The following CBLB variants were observed in gnomAD, a reference collection of about 807,000 sequenced individuals.
CBLB encodes E3 ubiquitin-protein ligase CBL-B.
Under a neutral mutation model 104.9 loss-of-function variants are expected in CBLB, and 31 were observed. That is an observed-to-expected ratio of 0.30 (90% CI 0.22 to 0.40). CBLB has a LOEUF of 0.40. Among genes scored for constraint, CBLB ranks in the 10% least tolerant of loss-of-function variants. The pLI is 1.00. For synonymous variants in CBLB, 440 were observed against 422.6 expected (o/e 1.04, Z -0.51); for missense variants, 1,062 against 1,214.6 (o/e 0.87, Z 1.87).
intron 3 of CBLB, among the ~76,000 whole-genome samples, chr3:105,792,384 A>G (rs2081767674): frequency 6.6e-6 from 1 of 152,128 alleles, no homozygotes; most frequent in South Asian, 2.1e-4. Context: ...ACTGGACTGG[A>G]GCATCATTGT....
chr3:105,847,498 ATTAATG>A (rs1393745149), intron 3 of CBLB, among the ~76,000 whole-genome samples: 1 of 151,916 alleles, frequency 6.6e-6, no homozygotes, highest in East Asian at 1.9e-4. Flanking sequence ...CTGAAATGAC[ATTAATG>A]TTAATGTTAA....
At chr3:105,671,909 G>C in intron 17 of CBLB, 1 of 193,006 alleles carries the variant, frequency 5.2e-6, no homozygotes, top group Non-Finnish European at 1.1e-5. Flanking sequence ...AGGAAGGAAT[G>C]AGAAGATAAA....
intron 3 of CBLB, among the ~76,000 whole-genome samples, chr3:105,799,174 G>GAATAAAAAAAAAA (rs1471114207): frequency 2.8e-5 from 1 of 35,128 alleles, no homozygotes; most frequent in African/African-American, 1.3e-4. Context: ...TAATGACAAA[G>GAATAAAAAAAAAA]AACAAAAAAA....
intron 3 of CBLB, among the ~76,000 whole-genome samples, chr3:105,827,134 C>T (rs76455647): frequency 0.021 from 3,197 of 152,126 alleles, 58 homozygotes; most frequent in Non-Finnish European, 0.031. Context: ...TAGTTTACAA[C>T]GATTCTGGCA....
At chr3:105,705,407 G>T (rs1046298316) in intron 10 of CBLB, among the ~76,000 whole-genome samples, 1 of 152,072 alleles carries the variant, frequency 6.6e-6, no homozygotes, top group Non-Finnish European at 1.5e-5. Flanking sequence ...TTTCATGCAG[G>T]ATACTGTATT....
intron 13 of CBLB, among the ~76,000 whole-genome samples, chr3:105,690,226 C>T (rs900010623): frequency 3.9e-5 from 6 of 152,080 alleles, no homozygotes; most frequent in African/African-American, 9.7e-5. Context: ...GGTAGGAATG[C>T]GTAATTTTGC....
chr3:105,780,412 C>T (rs1242051571), intron 3 of CBLB, among the ~76,000 whole-genome samples: 2 of 152,166 alleles, frequency 1.3e-5, no homozygotes, highest in East Asian at 3.9e-4. Context: ...ATTTCTGCCA[C>T]TAAAACCCAA....
chr3:105,863,087 GA>G (rs1161264689), intron 2 of CBLB, among the ~76,000 whole-genome samples: 4 of 152,244 alleles, frequency 2.6e-5, no homozygotes, highest in African/African-American at 9.6e-5. Context: ...GAAAGAAATA[GA>G]TTCAAAATCT....
At chr3:105,836,126 A>C (rs2088455498) in intron 3 of CBLB, among the ~76,000 whole-genome samples, 1 of 152,222 alleles carries the variant, frequency 6.6e-6, no homozygotes, top group Non-Finnish European at 1.5e-5. Flanking sequence ...AAGATGTGGG[A>C]AGACCACCAT....
intron 3 of CBLB, among the ~76,000 whole-genome samples, chr3:105,849,053 TA>T: frequency 6.6e-6 from 1 of 152,058 alleles, no homozygotes; most frequent in East Asian, 1.9e-4. Flanking sequence ...GAAAACATGC[TA>T]AGAAGACTCT....
intron 4 of CBLB, among the ~76,000 whole-genome samples, chr3:105,768,833 T>C (rs1007287861): frequency 7.2e-5 from 11 of 152,070 alleles, no homozygotes; most frequent in Admixed American, 3.9e-4. Context: ...ACTTATGAAC[T>C]GAACTTAAAG....
chr3:105,729,469 GCA>G (rs1490884268), intron 9 of CBLB, among the ~76,000 whole-genome samples: 1 of 152,170 alleles, frequency 6.6e-6, no homozygotes, highest in South Asian at 2.1e-4. Flanking sequence ...TTCTTCCTGT[GCA>G]CAGTTAAGCT....
intron 14 of CBLB, among the ~76,000 whole-genome samples, chr3:105,683,700 A>G (rs758336603): frequency 6.6e-6 from 1 of 152,236 alleles, no homozygotes. Context: ...TTTGTTCTCA[A>G]ATACATCACT....
intron 3 of CBLB, among the ~76,000 whole-genome samples, chr3:105,803,615 A>C (rs1240328760): frequency 6.6e-6 from 1 of 152,210 alleles, no homozygotes; most frequent in Non-Finnish European, 1.5e-5. Flanking sequence ...GAAATCTATG[A>C]AGTAATAGTT....
At chr3:105,704,297 T>C (rs893484918) in intron 10 of CBLB, 124 bp from the exon 11 acceptor site, 27 of 874,114 alleles carry the variant, frequency 3.1e-5, no homozygotes, top group African/African-American at 5.0e-5. Context: ...ATGAATTCCC[T>C]TAGTTTACCC....
Position 105,704,120 on chromosome 3 carries a change from G to T in CBLB, c.1461C>A (p.Ala487=). Residue 487 remains alanine (A), a synonymous_variant, in exon 11 of 19, where the codon GCC becomes GCA. Transcript: ENST00000394030. Reference sequence around the variant, plus strand: ...GGTCAGGCTGTGGCTTTCTTCTCTGGGCAAGGGGAGAGGATCCTGGTGATG... The same window carrying T: ...GGTCAGGCTGTGGCTTTCTTCTCTGTGCAAGGGGAGAGGATCCTGGTGATG... ...PVTSPGSSPL[A]QRRKPQPDPL... is the part of the protein sequence containing the mutation. 6.2e-7 allele frequency: 1 copy of T among 1,614,078 alleles called. No homozygotes were observed. Among genetic ancestry groups the T allele is most frequent in the Middle Eastern group, 1.7e-4 (1 of 6,060 alleles).
chr3:105,799,398 C>A (rs2082594099), intron 3 of CBLB, among the ~76,000 whole-genome samples: 1 of 152,000 alleles, frequency 6.6e-6, no homozygotes, highest in Non-Finnish European at 1.5e-5. Context: ...TAAATAGGCA[C>A]AATTAGTACC....
At chr3:105,755,860 T>C (rs750637630) in intron 4 of CBLB, among the ~76,000 whole-genome samples, 6 of 152,194 alleles carry the variant, frequency 3.9e-5, no homozygotes, top group African/African-American at 9.7e-5. Flanking sequence ...AGCAAAATAT[T>C]TGAAAACAAA....
chr3:105,790,742 C>T (rs917198224), intron 3 of CBLB, among the ~76,000 whole-genome samples: 1 of 152,154 alleles, frequency 6.6e-6, no homozygotes, highest in African/African-American at 2.4e-5. Flanking sequence ...TGCAGAAGAA[C>T]GTGCCAGGCA....
Sources: allele counts gnomAD v4.1 joint callset (sites outside exome capture counted in the v4.1 genomes callset), GRCh38; gene constraint gnomAD v4.1.1; transcripts MANE v1.5; gene names NCBI Gene and HGNC (gene_info 2026-07-23, HGNC 2026-07-21).